Variants in ZEB1 observed in about 807,000 individuals in gnomAD.
ZEB1 encodes zinc finger E-box binding homeobox 1, also known as zinc finger E-box-binding homeobox 1.
ZEB1 carries 21 observed loss-of-function variants against 84.9 expected under a neutral mutation model. The observed-to-expected ratio is 0.25, with a 90% CI of 0.18 to 0.36. The LOEUF (loss-of-function observed/expected upper bound fraction) is 0.36, where lower values mean the gene tolerates loss of function less well. Ranked by LOEUF, ZEB1 falls within the 10% of genes least tolerant of loss-of-function variation. ZEB1 has a pLI of 1.00. For missense variants in ZEB1, 1,104 were observed against 1,330.2 expected (o/e 0.83, Z 2.65); for synonymous variants, 420 against 471.1 (o/e 0.89, Z 1.41).
intron 1 of ZEB1, among the ~76,000 whole-genome samples, chr10:31,325,964 T>G (rs1455653136): frequency 2.1e-5 from 3 of 140,416 alleles, no homozygotes; most frequent in African/African-American, 6.1e-5. Flanking sequence ...TGTTTGGTTT[T>G]GGGTTTTTTT....
At chr10:31,469,408 A>G (rs1203574359) in intron 2 of ZEB1, among the ~76,000 whole-genome samples, 3 of 152,202 alleles carry the variant, frequency 2.0e-5, no homozygotes, top group South Asian at 2.1e-4. Context: ...GGGAAGCGCA[A>G]GGGGTCAGGG....
At chr10:31,466,662 G>T (rs1159351733) in intron 2 of ZEB1, among the ~76,000 whole-genome samples, 1 of 152,034 alleles carries the variant, frequency 6.6e-6, no homozygotes, top group Non-Finnish European at 1.5e-5. Flanking sequence ...AATAAGGAAT[G>T]ATCTTAAATA....
At chr10:31,329,996 T>A (rs922284309) in intron 1 of ZEB1, among the ~76,000 whole-genome samples, 1 of 152,196 alleles carries the variant, frequency 6.6e-6, no homozygotes, top group Admixed American at 6.5e-5. Context: ...TTCTGTTGGC[T>A]TATCAGTTTT....
At chr10:31,379,149 A>C (rs963098252) in intron 1 of ZEB1, among the ~76,000 whole-genome samples, 15 of 152,042 alleles carry the variant, frequency 9.9e-5, no homozygotes, top group African/African-American at 2.9e-4. Context: ...TAGTTACAGA[A>C]GGACTCATTT....
intron 1 of ZEB1, chr10:31,387,218 G>C: frequency 1.0e-6 from 1 of 985,826 alleles, no homozygotes; most frequent in Non-Finnish European, 1.2e-6. Flanking sequence ...TTGGAGGTGT[G>C]GGGTGTGAGA....
intron 2 of ZEB1, among the ~76,000 whole-genome samples, chr10:31,472,581 A>C (rs1221544804): frequency 7.5e-6 from 1 of 132,452 alleles, no homozygotes; most frequent in African/African-American, 3.2e-5. Context: ...TTACCAACCA[A>C]AAAGAGTCCA....
chr10:31,490,288 G>A (rs1273874648), intron 2 of ZEB1, among the ~76,000 whole-genome samples: 2 of 151,340 alleles, frequency 1.3e-5, no homozygotes, highest in Non-Finnish European at 3.0e-5. Flanking sequence ...CTGCACTACA[G>A]CTCTTTTCCT....
chr10:31,379,372 T>C lies in ZEB1; in HGVS notation c.58+60080T>C, dbSNP rs2047229038. 4.6e-5 allele frequency among the ~76,000 whole-genome samples: 7 copies of C among 152,138 alleles called. No homozygotes were observed. In the South Asian group the frequency reaches 1.5e-3, roughly 32 times the overall value. ...TTTCATTTTCTGATATTCTCTTTCC[T>C]AAGGTATTGTTGGACTGAAACTTAA... On this transcript the variant is annotated intron_variant, in intron 1 of 8. Transcript: ENST00000424869.
At chr10:31,475,613 A>T (rs542639485) in intron 2 of ZEB1, among the ~76,000 whole-genome samples, 2 of 152,312 alleles carry the variant, frequency 1.3e-5, no homozygotes, top group South Asian at 4.1e-4. Flanking sequence ...GCAACCTTGT[A>T]AAACATAAGA....
intron 1 of ZEB1, among the ~76,000 whole-genome samples, chr10:31,457,246 T>C (rs181433843): frequency 6.6e-6 from 1 of 152,280 alleles, no homozygotes; most frequent in East Asian, 1.9e-4. Context: ...AAGCCCTCAT[T>C]GGCTACTAGA....
At chr10:31,512,496 G>T (rs1358744032) in intron 5 of ZEB1, among the ~76,000 whole-genome samples, 1 of 152,156 alleles carries the variant, frequency 6.6e-6, no homozygotes, top group African/African-American at 2.4e-5. Flanking sequence ...AATTTAGTTT[G>T]CAAGGCAGCA....
chr10:31,351,425 GA>G (rs2041303885), intron 1 of ZEB1, among the ~76,000 whole-genome samples: 1 of 152,046 alleles, frequency 6.6e-6, no homozygotes, highest in African/African-American at 2.4e-5. Flanking sequence ...GATAAGCATA[GA>G]ATTTTCAAAA....
rs1464777836 is a variant in ZEB1 at position 31,520,849 on chromosome 10, G to T, written c.1517G>T (p.Ser506Ile). Residue 506 changes from serine (S) to isoleucine (I), a missense_variant, in exon 7 of 9, where the codon AGT (serine) becomes ATT (isoleucine). Transcript: ENST00000424869. The surrounding 1 kb of genome is among the most constrained non-coding windows in gnomAD (Gnocchi z 5.1). ...CCAGTCGCTACAAACAGTTGTAAAA[G>T]TGAAAAGTTACCAGAAGATCTTACT... ...ENPVATNSCK[S>I]EKLPEDLTVK... The T allele has an allele frequency of 1.2e-6, 2 of 1,614,108 alleles. No individual in the cohort carries two copies. Among genetic ancestry groups the T allele is most frequent in the East Asian group, 4.5e-5 (2 of 44,866 alleles).
intron 2 of ZEB1, among the ~76,000 whole-genome samples, chr10:31,461,756 A>G (rs2137477628): frequency 6.6e-6 from 1 of 152,246 alleles, no homozygotes; most frequent in Admixed American, 6.5e-5. Flanking sequence ...GGTGAAAGTA[A>G]GGAGACCCTC....
At chr10:31,470,142 A>G (rs550331444) in intron 2 of ZEB1, among the ~76,000 whole-genome samples, 202 of 152,348 alleles carry the variant, frequency 1.3e-3, no homozygotes, top group Middle Eastern at 3.4e-3. Context: ...TGGAAACTCT[A>G]AAAAGCAGAG....
chr10:31,365,202 A>G (rs1333728557), intron 1 of ZEB1, among the ~76,000 whole-genome samples: 1 of 152,236 alleles, frequency 6.6e-6, no homozygotes, highest in African/African-American at 2.4e-5. Context: ...ATTATTTACA[A>G]GTTCATAGTA....
intron 1 of ZEB1, among the ~76,000 whole-genome samples, chr10:31,361,567 CCGGG>C: frequency 6.6e-6 from 1 of 152,338 alleles, no homozygotes; most frequent in Admixed American, 6.5e-5. Context: ...GGTGAGGGGG[CCGGG>C]TGGGGGCACT....
chr10:31,387,646 T>C, intron 1 of ZEB1: 1 of 634,894 alleles, frequency 1.6e-6, no homozygotes, highest in East Asian at 1.4e-4. Flanking sequence ...ACATAATAGC[T>C]TCAGTTGATA....
chr10:31,486,821 T>C (rs537499054), intron 2 of ZEB1, among the ~76,000 whole-genome samples: 1 of 151,644 alleles, frequency 6.6e-6, no homozygotes, highest in African/African-American at 2.4e-5. Context: ...GGATCATGAT[T>C]TTCATCATGC....
Sources: allele counts gnomAD v4.1 joint callset (sites outside exome capture counted in the v4.1 genomes callset), GRCh38; gene constraint gnomAD v4.1.1; non-coding constraint Gnocchi (gnomAD v3.1); transcripts MANE v1.5; gene names NCBI Gene and HGNC (gene_info 2026-07-23, HGNC 2026-07-21).